The following SLC7A11 variants were observed in gnomAD, a reference collection of about 807,000 sequenced individuals.
SLC7A11 encodes cystine/glutamate transporter.
Under a neutral mutation model 54.5 loss-of-function variants are expected in SLC7A11, and 35 were observed. The ratio of observed to expected loss-of-function variants is 0.64; its 90% CI spans 0.49 to 0.85. The LOEUF (loss-of-function observed/expected upper bound fraction) is 0.85. SLC7A11 is among the 40% of genes least tolerant of loss of function. The pLI is 0.00. For synonymous variants in SLC7A11, 230 were observed against 225.2 expected, an observed-to-expected ratio of 1.02 and a Z score of -0.19; for missense variants, 583 against 618.1, an observed-to-expected ratio of 0.94 and a Z score of 0.60.
At chr4:138,236,985 T>TC (rs1294896182) in intron 1 of SLC7A11, among the ~76,000 whole-genome samples, 1 of 103,320 alleles carries the variant, frequency 9.7e-6, no homozygotes, top group Non-Finnish European at 1.8e-5. Context: ...CAAGATTTCT[T>TC]TTTTTTTTTT....
intron 1 of SLC7A11, among the ~76,000 whole-genome samples, chr4:138,240,515 C>G (rs920532430): frequency 1.4e-5 from 2 of 144,288 alleles, no homozygotes; most frequent in African/African-American, 5.2e-5. Flanking sequence ...TGCAGTGAGC[C>G]GAGATCACAC....
At chr4:138,224,815 A>AAAAGATGG (rs944259412) in intron 3 of SLC7A11, among the ~76,000 whole-genome samples, 1 of 135,880 alleles carries the variant, frequency 7.4e-6, no homozygotes, top group African/African-American at 2.7e-5. Flanking sequence ...AGGAAGGATG[A>AAAAGATGG]AAGGAAGGAA....
intron 6 of SLC7A11, among the ~76,000 whole-genome samples, chr4:138,196,903 G>T (rs914811251): frequency 6.6e-5 from 10 of 152,006 alleles, no homozygotes; most frequent in African/African-American, 2.2e-4. Context: ...CTGGTGATAC[G>T]CCCACCTTGG....
At chr4:138,182,264 T>C (rs1736760333) in intron 9 of SLC7A11, 33 bp downstream of exon 9, 1 of 1,325,018 alleles carries the variant, frequency 7.5e-7, no homozygotes, top group Admixed American at 1.7e-5. Context: ...TTATTCAAGG[T>C]TATATCTAGA....
chr4:138,182,232 G>T, intron 9 of SLC7A11, 65 bp downstream of exon 9: 1 of 1,000,958 alleles, frequency 1.0e-6, no homozygotes, highest in Non-Finnish European at 1.6e-6. Context: ...ATGTCTGGTT[G>T]GAATTCCTTT....
intron 11 of SLC7A11, chr4:138,174,766 C>T (rs1175616000): frequency 1.3e-5 from 2 of 152,156 alleles, no homozygotes; most frequent in African/African-American, 4.8e-5. Context: ...GTTAATGAGT[C>T]TGCATTTGGT....
intron 2 of SLC7A11, among the ~76,000 whole-genome samples, chr4:138,233,123 GATGT>G (rs901330691): frequency 1.7e-4 from 26 of 151,314 alleles, no homozygotes; most frequent in African/African-American, 6.3e-4. Flanking sequence ...TTTCATTTTA[GATGT>G]ATGTATATAT....
At chr4:138,215,025 C>T (rs1408557446) in intron 5 of SLC7A11, among the ~76,000 whole-genome samples, 3 of 152,054 alleles carry the variant, frequency 2.0e-5, no homozygotes, top group Admixed American at 6.6e-5. Context: ...TTAAGAACTG[C>T]TTTATCTTAC....
At chr4:138,225,924 G>A (rs1383457278) in intron 3 of SLC7A11, among the ~76,000 whole-genome samples, 1 of 151,618 alleles carries the variant, frequency 6.6e-6, no homozygotes, top group Non-Finnish European at 1.5e-5. Context: ...AGGAAGGAAG[G>A]AGAGAGAGAG....
At chr4:138,192,224 C>A (rs552540835) in intron 6 of SLC7A11, among the ~76,000 whole-genome samples, 1 of 152,168 alleles carries the variant, frequency 6.6e-6, no homozygotes, top group Admixed American at 6.6e-5. Context: ...ACAGACACCA[C>A]ATTTCCCAGC....
intron 10 of SLC7A11, 128 bp downstream of exon 10, chr4:138,180,513 A>T: frequency 1.1e-6 from 1 of 873,206 alleles, no homozygotes; most frequent in Non-Finnish European, 1.7e-6. Context: ...ACTGCCTGCA[A>T]GAGTTAAACA....
At position 138,166,866 on chromosome 4, in the gene SLC7A11, A is replaced by G. The variant is rs1736273330; in HGVS notation, c.*5090T>C. ...ACACTAAGAAAATCTAGGTAATTAT[A>G]TAAATTCATTGTTATGAGGTTGTAG... On this transcript the variant is annotated 3_prime_UTR_variant, in exon 12 of 12. Coordinates refer to ENST00000280612, the MANE Select transcript of SLC7A11 (RefSeq NM_014331.4). The G allele has an allele frequency of 6.6e-6, 1 of 152,218 alleles. No individual in the cohort carries two copies. Among genetic ancestry groups the G allele is most frequent in the Middle Eastern group, 3.2e-3 (1 of 316 alleles). 9.4% of individuals were successfully genotyped at this position (152,218 alleles called of 1,614,324 possible).
At chr4:138,212,942 T>C (rs547898868) in intron 6 of SLC7A11, among the ~76,000 whole-genome samples, 9 of 152,108 alleles carry the variant, frequency 5.9e-5, no homozygotes, top group African/African-American at 2.2e-4. Flanking sequence ...AGACTTAACA[T>C]ACATAGTTAC....
chr4:138,228,745 C>A (rs1455174185), intron 3 of SLC7A11, among the ~76,000 whole-genome samples: 4 of 95,034 alleles, frequency 4.2e-5, no homozygotes, highest in Admixed American at 3.7e-4. Flanking sequence ...GGCGACAGAG[C>A]AAGACTCCGT....
At position 138,179,300 on chromosome 4, in the gene SLC7A11, A is replaced by T; in HGVS notation, c.1361T>A (p.Phe454Tyr). Residue 454 changes from phenylalanine to tyrosine, a missense_variant, in exon 11 of 12, where the codon TTC becomes TAC. Phe to Tyr is a conservative substitution (Grantham distance 22, BLOSUM62 3). Coordinates refer to ENST00000280612, the MANE Select transcript of SLC7A11 (RefSeq NM_014331.4). ...AGGGACTCCAGTCAGAGTGATGACG[A>T]AGCCAATCCCTGTACTAAATGGGTC... ...YSDPFSTGIG[F>Y]VITLTGVPAY... 1 of 1,612,822 alleles carries T rather than the reference A, an allele frequency of 6.2e-7. No homozygotes were observed. The highest frequency in any genetic ancestry group is 1.1e-5 in the South Asian group (1 of 91,044).
At chr4:138,233,761 T>C (rs1738140091) in intron 2 of SLC7A11, among the ~76,000 whole-genome samples, 1 of 152,208 alleles carries the variant, frequency 6.6e-6, no homozygotes, top group African/African-American at 2.4e-5. Context: ...GTCATTTTAG[T>C]GCTTTCAAAA....
intron 3 of SLC7A11, among the ~76,000 whole-genome samples, chr4:138,231,434 A>C (rs1282817220): frequency 6.6e-6 from 1 of 152,142 alleles, no homozygotes; most frequent in Non-Finnish European, 1.5e-5. Context: ...TAGCCATACA[A>C]ACTAAAAATT....
chr4:138,182,206 A>G, intron 9 of SLC7A11, 91 bp downstream of exon 9: 2 of 760,538 alleles, frequency 2.6e-6, no homozygotes, highest in South Asian at 1.7e-5. Context: ...TGAATGAGAA[A>G]GTAAAATACT....
At position 138,171,679 on chromosome 4, in the gene SLC7A11, G is replaced by T; in HGVS notation, c.*277C>A. ...TGTAGAGAATGACCACATAGTAATT[G>T]TCTAGTCTTTTCTCCTAACCCCAAT... On this transcript the variant is annotated 3_prime_UTR_variant, in exon 12 of 12. Transcript: ENST00000280612. 1 of 371,234 alleles carries T rather than the reference G, an allele frequency of 2.7e-6. No homozygotes were observed. Among genetic ancestry groups the T allele is most frequent in the East Asian group, 6.3e-5 (1 of 15,938 alleles). The allele number at this position is 371,234 out of a possible 1,614,324, so 23.0% of individuals were successfully genotyped here.
Sources: allele counts gnomAD v4.1 joint callset (sites outside exome capture counted in the v4.1 genomes callset), GRCh38; gene constraint gnomAD v4.1.1; transcripts MANE v1.5; gene names NCBI Gene and HGNC (gene_info 2026-07-23, HGNC 2026-07-21).